NAALADL2: variants seen among roughly 807,000 people sequenced by gnomAD.
NAALADL2 encodes the protein inactive N-acetylated-alpha-linked acidic dipeptidase-like protein 2.
A neutral mutation model predicts 87.2 loss-of-function variants in NAALADL2; 76 were observed. That is an observed-to-expected ratio of 0.87 (90% CI 0.72 to 1.05). The LOEUF (loss-of-function observed/expected upper bound fraction) is 1.05. NAALADL2 is among the 50% of genes least tolerant of loss of function. NAALADL2 has a pLI of 0.00. For synonymous variants in NAALADL2, 354 were observed against 331.0 expected (o/e 1.07, Z -0.75); for missense variants, 1,089 against 945.8 (o/e 1.15, Z -1.99).
At chr3:175,568,665 G>A (rs903577389) in intron 9 of NAALADL2, among the ~76,000 whole-genome samples, 3 of 152,164 alleles carry the variant, frequency 2.0e-5, no homozygotes, top group Non-Finnish European at 4.4e-5. Flanking sequence ...TTGGCAAGCT[G>A]CTAAGCCCTA....
At chr3:174,666,133 CAT>C (rs1218849240) in intron 2 of NAALADL2, among the ~76,000 whole-genome samples, 2 of 152,068 alleles carry the variant, frequency 1.3e-5, no homozygotes, top group Non-Finnish European at 2.9e-5. Flanking sequence ...ACTAGAAAAA[CAT>C]AATACACACT....
chr3:174,945,900 G>A (rs1579660163), intron 1 of NAALADL2, among the ~76,000 whole-genome samples: 2 of 151,870 alleles, frequency 1.3e-5, no homozygotes, highest in East Asian at 3.9e-4. Flanking sequence ...CAAAATATTA[G>A]CCAGGTGTGG....
intron 3 of NAALADL2, among the ~76,000 whole-genome samples, chr3:174,828,718 A>G (rs1431176175): frequency 6.6e-6 from 1 of 152,188 alleles, no homozygotes; most frequent in African/African-American, 2.4e-5. Context: ...GGTTATGCAC[A>G]TCGCTCCTGA....
chr3:175,596,085 T>A (rs922758580), intron 10 of NAALADL2, among the ~76,000 whole-genome samples: 2 of 152,010 alleles, frequency 1.3e-5, no homozygotes, highest in African/African-American at 4.8e-5. Context: ...TTCTGTTTTT[T>A]AAAAAATAAC....
In NAALADL2 at chr3:175,049,864, G is replaced by A. The variant is rs186803861; in HGVS notation, c.44-46926G>A. On this transcript the variant is annotated intron_variant, in intron 1 of 13. Transcript: ENST00000454872. Reference sequence around the variant, plus strand: ...TGTTGATTAATCTGTAATATGGACCGCAATTAAATACAGCAAGTTCTCAAA... The same window carrying A: ...TGTTGATTAATCTGTAATATGGACCACAATTAAATACAGCAAGTTCTCAAA... Among the ~76,000 whole-genome samples the A allele has an allele frequency of 2.2e-4, 34 of 152,304 alleles. 1 individual carries two copies. The East Asian group carries it at 5.6e-3, about 25-fold the overall frequency.
intron 3 of NAALADL2, among the ~76,000 whole-genome samples, chr3:174,759,300 A>G (rs545898425): frequency 7.8e-4 from 119 of 152,352 alleles, no homozygotes; most frequent in African/African-American, 2.9e-3. Flanking sequence ...ATAAAAAATC[A>G]TGTACCCTTT....
chr3:174,450,649 A>T (rs1715414948), intron 1 of NAALADL2, among the ~76,000 whole-genome samples: 1 of 152,140 alleles, frequency 6.6e-6, no homozygotes, highest in African/African-American at 2.4e-5. Flanking sequence ...AGGCAGGTGG[A>T]TCATGAGATC....
At chr3:175,371,348 A>G (rs1766465094) in intron 5 of NAALADL2, among the ~76,000 whole-genome samples, 1 of 151,924 alleles carries the variant, frequency 6.6e-6, no homozygotes, top group South Asian at 2.1e-4. Flanking sequence ...GCTCACTGCA[A>G]GCTCCGCCCC....
At chr3:175,343,037 T>G (rs1762726041) in intron 5 of NAALADL2, among the ~76,000 whole-genome samples, 1 of 152,128 alleles carries the variant, frequency 6.6e-6, no homozygotes, top group Non-Finnish European at 1.5e-5. Context: ...TAAAAAATTC[T>G]GAGTAGTAGA....
At chr3:175,122,564 C>T (rs181770242) in intron 2 of NAALADL2, among the ~76,000 whole-genome samples, 1 of 151,772 alleles carries the variant, frequency 6.6e-6, no homozygotes, top group African/African-American at 2.4e-5. Flanking sequence ...GCAGCACTAC[C>T]TGAGAATTCT....
intron 1 of NAALADL2, among the ~76,000 whole-genome samples, chr3:174,482,474 A>C (rs1172463721): frequency 6.6e-6 from 1 of 152,100 alleles, no homozygotes; most frequent in Non-Finnish European, 1.5e-5. Flanking sequence ...AAAGAAGTAA[A>C]GTACTGCTTC....
At chr3:175,039,315 T>C (rs1433910892) in intron 1 of NAALADL2, among the ~76,000 whole-genome samples, 1 of 152,106 alleles carries the variant, frequency 6.6e-6, no homozygotes, top group Admixed American at 6.6e-5. Context: ...TACAGGCATG[T>C]GCCACGACGC....
At chr3:175,356,568 C>T (rs1290773677) in intron 5 of NAALADL2, among the ~76,000 whole-genome samples, 2 of 90,442 alleles carry the variant, frequency 2.2e-5, no homozygotes, top group Non-Finnish European at 4.8e-5. Context: ...GAGCAAGACC[C>T]TGTGTCAAAA....
At chr3:175,640,645 T>C (rs571903553) in intron 11 of NAALADL2, among the ~76,000 whole-genome samples, 1 of 152,298 alleles carries the variant, frequency 6.6e-6, no homozygotes, top group East Asian at 1.9e-4. Flanking sequence ...AGAAAAACTC[T>C]TTTTATTCAC....
chr3:175,809,141 C>T lies in NAALADL2; in HGVS notation c.*5938C>T, dbSNP rs1022148948. 1 of 151,944 alleles carries T rather than the reference C, an allele frequency of 6.6e-6. No individual in the cohort carries two copies. The highest frequency in any genetic ancestry group is 2.4e-5 in the African/African-American group (1 of 41,396). The allele number at this position is 151,944 out of a possible 1,614,324, so 9.4% of individuals were successfully genotyped here. A position where few individuals can be genotyped will look rare whatever the true frequency, so the allele number is the denominator to read the frequency against. ...TAAAAGTTAGAATAAAATGCTATTA[C>T]TCTCTAAACAGAACTTTAGCATATC... On this transcript the variant is annotated 3_prime_UTR_variant, in exon 14 of 14. Transcript: ENST00000454872.
chr3:174,974,610 G>A (rs1744119021), intron 1 of NAALADL2, among the ~76,000 whole-genome samples: 1 of 152,154 alleles, frequency 6.6e-6, no homozygotes, highest in South Asian at 2.1e-4. Flanking sequence ...CTCCTAGAAT[G>A]TATGCTACTA....
intron 10 of NAALADL2, among the ~76,000 whole-genome samples, chr3:175,620,263 T>C (rs995291637): frequency 6.6e-6 from 1 of 152,156 alleles, no homozygotes; most frequent in African/African-American, 2.4e-5. Context: ...CCACTCGACC[T>C]GGCAGGCTGC....
At chr3:174,568,222 CTTAA>C (rs1456450498) in intron 2 of NAALADL2, among the ~76,000 whole-genome samples, 1 of 151,604 alleles carries the variant, frequency 6.6e-6, no homozygotes, top group Non-Finnish European at 1.5e-5. Flanking sequence ...AAATTAATAA[CTTAA>C]TTAAGTACAT....
intron 2 of NAALADL2, among the ~76,000 whole-genome samples, chr3:175,116,146 G>A (rs1725117003): frequency 6.6e-6 from 1 of 151,902 alleles, no homozygotes; most frequent in African/African-American, 2.4e-5. Flanking sequence ...GGCAAAAACT[G>A]GAAGCATTCC....
Sources: allele counts gnomAD v4.1 joint callset (sites outside exome capture counted in the v4.1 genomes callset), GRCh38; gene constraint gnomAD v4.1.1; transcripts MANE v1.5; gene names NCBI Gene and HGNC (gene_info 2026-07-23, HGNC 2026-07-21).